The following PTPRE variants were observed in gnomAD, a reference collection of about 807,000 sequenced individuals.
The protein encoded by PTPRE is receptor-type tyrosine-protein phosphatase epsilon.
PTPRE carries 51 observed loss-of-function variants against 102.0 expected under a neutral mutation model. The observed-to-expected ratio is 0.50, with a 90% CI of 0.40 to 0.63. The LOEUF (loss-of-function observed/expected upper bound fraction) is 0.63, where lower values mean the gene tolerates loss of function less well. PTPRE is among the 30% of genes least tolerant of loss of function. PTPRE has a pLI of 0.00. For synonymous variants in PTPRE, 345 were observed against 348.2 expected, an observed-to-expected ratio of 0.99 and a Z score of 0.10; for missense variants, 752 against 915.1, an observed-to-expected ratio of 0.82 and a Z score of 2.30.
chr10:127,986,534 A>G (rs912650964), intron 2 of PTPRE, among the ~76,000 whole-genome samples: 9 of 152,218 alleles, frequency 5.9e-5, no homozygotes, highest in African/African-American at 2.2e-4. Flanking sequence ...TAACGTGTGA[A>G]TATTCAGCAA....
At position 128,028,005 on chromosome 10, in the gene PTPRE, G is replaced by C. The variant is rs900836183; in HGVS notation, c.-7-12870G>C. Among the ~76,000 whole-genome samples the C allele has an allele frequency of 3.3e-5, 5 of 152,240 alleles. No homozygotes were observed. Among genetic ancestry groups the C allele is most frequent in the Admixed American group, 3.3e-4 (5 of 15,288 alleles). ...ACGCCGAGGGTCTCCACCTCCCCAA[G>C]GCAGGACAGGCCATGGCAGAGGCTT... On this transcript the variant is annotated intron_variant, in intron 2 of 20. Coordinates refer to ENST00000254667, the MANE Select transcript of PTPRE (RefSeq NM_006504.6). This position sits in a 1 kb window ranked among gnomAD's most constrained non-coding sequence, Gnocchi z 4.5.
chr10:127,965,196 A>G (rs1850152631), intron 1 of PTPRE, among the ~76,000 whole-genome samples: 1 of 152,248 alleles, frequency 6.6e-6, no homozygotes, highest in East Asian at 1.9e-4. Context: ...AAATGGCAGG[A>G]AATAGATGCT....
intron 1 of PTPRE, among the ~76,000 whole-genome samples, chr10:127,908,403 C>G (rs1157778194): frequency 1.4e-5 from 2 of 145,492 alleles, no homozygotes; most frequent in Non-Finnish European, 3.0e-5. Flanking sequence ...CCTCTGCACA[C>G]TAACGACTCT....
intron 2 of PTPRE, among the ~76,000 whole-genome samples, chr10:128,022,965 C>CTCTGACCACCTGTCCCAGGGAGTAG (rs1846027874): frequency 6.6e-6 from 1 of 152,224 alleles, no homozygotes; most frequent in Non-Finnish European, 1.5e-5. Flanking sequence ...ATGAAAATGA[C>CTCTGACCACCTGTCCCAGGGAGTAG]TCTGACCACC....
chr10:127,979,776 C>T (rs1407444634), intron 1 of PTPRE, among the ~76,000 whole-genome samples: 2 of 152,222 alleles, frequency 1.3e-5, no homozygotes, highest in Non-Finnish European at 2.9e-5. Flanking sequence ...ACAGGTTCTA[C>T]CAAAATTGGT....
intron 1 of PTPRE, among the ~76,000 whole-genome samples, chr10:127,961,838 C>A (rs1238832481): frequency 1.3e-5 from 2 of 152,136 alleles, no homozygotes; most frequent in African/African-American, 4.8e-5. Flanking sequence ...GCTCTGCCGC[C>A]AGGACTAGCC....
At chr10:127,940,255 G>T (rs1300358439) in intron 1 of PTPRE, among the ~76,000 whole-genome samples, 3 of 152,068 alleles carry the variant, frequency 2.0e-5, no homozygotes, top group Admixed American at 2.0e-4. Context: ...TCTGACTTTG[G>T]CATTTCCTTG....
At chr10:127,921,367 C>T (rs566166627) in intron 1 of PTPRE, among the ~76,000 whole-genome samples, 16 of 152,138 alleles carry the variant, frequency 1.1e-4, no homozygotes, top group African/African-American at 2.9e-4. Context: ...ATCCCCAAGA[C>T]GGAGGAGTGA....
chr10:128,024,379 G>A (rs1846141799), intron 2 of PTPRE, among the ~76,000 whole-genome samples: 1 of 152,192 alleles, frequency 6.6e-6, no homozygotes, highest in African/African-American at 2.4e-5. Context: ...ATGAATTCAA[G>A]TATGGCTTTA....
chr10:127,982,733 A>G (rs2135468510), intron 2 of PTPRE, among the ~76,000 whole-genome samples: 1 of 152,204 alleles, frequency 6.6e-6, no homozygotes. Flanking sequence ...TCTAGAGAAA[A>G]CTGCTGAAAA....
At chr10:127,930,256 T>A (rs552524122) in intron 1 of PTPRE, among the ~76,000 whole-genome samples, 2 of 151,852 alleles carry the variant, frequency 1.3e-5, no homozygotes, top group South Asian at 2.1e-4. Context: ...AAAAAAAAAA[T>A]CTGTCATCAT....
chr10:128,033,411 T>C (rs1846937502), intron 2 of PTPRE, among the ~76,000 whole-genome samples: 1 of 152,224 alleles, frequency 6.6e-6, no homozygotes, highest in African/African-American at 2.4e-5. Flanking sequence ...AGCAGTTTTA[T>C]TTTATTTTTT....
rs1271436116 is a variant in PTPRE, at chr10:127,944,306, A to C, written c.-31+36997A>C. Among the ~76,000 whole-genome samples the C allele has an allele frequency of 6.6e-6, 1 of 152,180 alleles. No homozygotes were observed. Among genetic ancestry groups the C allele is most frequent in the Non-Finnish European group, 1.5e-5 (1 of 68,024 alleles). ...GGATGGATGAGCACCTCTGGGAGGT[A>C]CTTGATAAATATTGATTGAATGGCT... On this transcript the variant is annotated intron_variant, in intron 1 of 20. Transcript: ENST00000254667. This position sits in a 1 kb window ranked among gnomAD's most constrained non-coding sequence, Gnocchi z 4.2.
intron 2 of PTPRE, among the ~76,000 whole-genome samples, chr10:127,992,099 G>T (rs993748776): frequency 1.3e-5 from 2 of 152,120 alleles, no homozygotes; most frequent in African/African-American, 2.4e-5. Context: ...GAACCTAGAG[G>T]ATGGGAAACA....
At chr10:128,024,719 C>A (rs1008479531) in intron 2 of PTPRE, among the ~76,000 whole-genome samples, 1 of 152,224 alleles carries the variant, frequency 6.6e-6, no homozygotes, top group African/African-American at 2.4e-5. Flanking sequence ...CCTGCCCAGT[C>A]CAAGCCAGGC....
chr10:128,073,508 G>C, intron 17 of PTPRE, 37 bp downstream of exon 17: 1 of 1,599,434 alleles, frequency 6.3e-7, no homozygotes. Context: ...CTCCAGGGCA[G>C]CCTGTGCACC....
At chr10:128,064,136 G>C (rs1433335058) in intron 10 of PTPRE, among the ~76,000 whole-genome samples, 2 of 152,226 alleles carry the variant, frequency 1.3e-5, no homozygotes, top group Non-Finnish European at 2.9e-5. Context: ...TTAGATGGGA[G>C]TACCAGGCCT....
At chr10:127,974,553 G>A (rs1851001626) in intron 1 of PTPRE, among the ~76,000 whole-genome samples, 1 of 152,154 alleles carries the variant, frequency 6.6e-6, no homozygotes, top group Non-Finnish European at 1.5e-5. Context: ...TCAACGATCT[G>A]TTTATAAGCC....
chr10:127,940,030 A>G (rs1459040814), intron 1 of PTPRE, among the ~76,000 whole-genome samples: 2 of 144,626 alleles, frequency 1.4e-5, no homozygotes, highest in Non-Finnish European at 3.0e-5. Flanking sequence ...GTACAGACAG[A>G]TGTGGGCAGA....
Sources: allele counts gnomAD v4.1 joint callset (sites outside exome capture counted in the v4.1 genomes callset), GRCh38; gene constraint gnomAD v4.1.1; non-coding constraint Gnocchi (gnomAD v3.1); transcripts MANE v1.5; gene names NCBI Gene and HGNC (gene_info 2026-07-23, HGNC 2026-07-21).